The following KIF1A variants were observed in gnomAD, a reference collection of about 807,000 sequenced individuals.
KIF1A encodes kinesin-like protein KIF1A.
A neutral mutation model predicts 227.3 loss-of-function variants in KIF1A; 46 were observed. The ratio of observed to expected loss-of-function variants is 0.20; its 90% CI spans 0.16 to 0.26. KIF1A has a LOEUF of 0.26. KIF1A is among the 10% of genes least tolerant of loss of function. The pLI, the probability that KIF1A is intolerant of heterozygous loss-of-function variation, is 1.00. For missense variants in KIF1A, 1,683 were observed against 2,485.9 expected (o/e 0.68, Z 6.87); for synonymous variants, 1,022 against 1,012.8 (o/e 1.01, Z -0.17).
Position 240,788,025 on chromosome 2 carries a change from G to GCC in KIF1A, c.363+24_363+25dup. ...TGGTCCCGCCCCATCTGCCAGGGCT[G>GCC]CCCCCGCCCGCCCCCCGCTTCGTGC... On this transcript the variant is annotated intron_variant, in intron 4 of 48. Coordinates refer to ENST00000498729, the MANE Select transcript of KIF1A (RefSeq NM_001244008.2). The surrounding 1 kb of genome is among the most constrained non-coding windows in gnomAD (Gnocchi z 6.6). 26 of 1,466,756 alleles carry GCC rather than the reference G, an allele frequency of 1.8e-5. No individual in the cohort carries two copies. The highest frequency in any genetic ancestry group is 2.0e-5 in the Non-Finnish European group (22 of 1,073,788). The allele number at this position is 1,466,756 out of a possible 1,614,324, so 90.9% of individuals were successfully genotyped here.
In KIF1A at chr2:240,789,866, C is replaced by T. The variant is rs1308843421; in HGVS notation, c.107-554G>A. ...CCCTCCTCCCCCTCCCTCCTCCACCCAACTTCAAGCCCAGTCCCAGGCACC... is the reference window on the plus strand; with the variant it reads ...CCCTCCTCCCCCTCCCTCCTCCACCTAACTTCAAGCCCAGTCCCAGGCACC... On this transcript the variant is annotated intron_variant, in intron 2 of 48. Coordinates refer to ENST00000498729, the MANE Select transcript of KIF1A (RefSeq NM_001244008.2). The surrounding 1 kb of genome is among the most constrained non-coding windows in gnomAD (Gnocchi z 4.8). Among the ~76,000 whole-genome samples, 1 of 152,192 alleles carries T rather than the reference C, an allele frequency of 6.6e-6. No homozygotes were observed. The highest frequency in any genetic ancestry group is 1.5e-5 in the Non-Finnish European group (1 of 68,016).
chr2:240,738,512 G>A (rs2047607276), intron 37 of KIF1A, among the ~76,000 whole-genome samples: 1 of 152,194 alleles, frequency 6.6e-6, no homozygotes, highest in East Asian at 1.9e-4. Flanking sequence ...CCCAGGTGAG[G>A]AGCAGGAGAG....
chr2:240,803,916 T>A (rs187447850), intron 1 of KIF1A, among the ~76,000 whole-genome samples: 139 of 152,384 alleles, frequency 9.1e-4, no homozygotes, highest in African/African-American at 2.8e-3. Context: ...TTCCTCATTT[T>A]GGTTGACAAA....
At chr2:240,815,949 A>G (rs1198156232) in intron 1 of KIF1A, among the ~76,000 whole-genome samples, 1 of 152,134 alleles carries the variant, frequency 6.6e-6, no homozygotes. Context: ...AGTGCAGGCT[A>G]TGACCAGTGT....
At chr2:240,749,363 C>T (rs74690114) in intron 28 of KIF1A, among the ~76,000 whole-genome samples, 8,105 of 152,168 alleles carry the variant, frequency 0.053, 225 homozygotes, top group African/African-American at 0.068. Flanking sequence ...TCTCAGCCTG[C>T]TCCAGGTCGC....
At chr2:240,753,393 G>T (rs191942185) in intron 27 of KIF1A, among the ~76,000 whole-genome samples, 1 of 152,230 alleles carries the variant, frequency 6.6e-6, no homozygotes, top group Non-Finnish European at 1.5e-5. Context: ...AACAAACGCT[G>T]TGTGGAACTG....
At chr2:240,816,891 C>A (rs1196270775) in intron 1 of KIF1A, among the ~76,000 whole-genome samples, 1 of 152,214 alleles carries the variant, frequency 6.6e-6, no homozygotes, top group Non-Finnish European at 1.5e-5. Context: ...CCCCACAGCA[C>A]CCCCAACTGC....
In KIF1A at chr2:240,766,948, C is replaced by T. The variant is rs373891682; in HGVS notation, c.1651G>A (p.Val551Ile). Residue 551 changes from valine to isoleucine, a missense_variant, in exon 19 of 49, where the codon GTC becomes ATC. Around this residue, in one of 12 missense-constraint regions of KIF1A, gnomAD observed 217 missense variants for 427.0 expected, o/e 0.51. Coordinates refer to ENST00000498729, the MANE Select transcript of KIF1A (RefSeq NM_001244008.2). This position sits in a 1 kb window ranked among gnomAD's most constrained non-coding sequence, Gnocchi z 5.0. ...SGHFIKEEHC[V>I]FRSDSRGGSE... is the part of the protein sequence containing the mutation. ...CCTCCCCTGGAGTCGCTCCGGAAGA[C>T]GCAGTGCTCCTCCTTGATGAAGTGC... 67 of 1,611,844 alleles carry T rather than the reference C, an allele frequency of 4.2e-5. No individual in the cohort carries two copies. The highest frequency in any genetic ancestry group is 4.0e-4 in the South Asian group (36 of 90,752).
chr2:240,715,821 T>A lies in KIF1A; in HGVS notation c.*1543A>T, dbSNP rs1291313599. On this transcript the variant is annotated 3_prime_UTR_variant, in exon 49 of 49. Coordinates refer to ENST00000498729, the MANE Select transcript of KIF1A (RefSeq NM_001244008.2). Reference sequence around the variant, plus strand: ...TTCCCCCACTCCAGGAGGCAGGATCTGATGAAAGTGCTGGGCCCTAGGTCT... The same window carrying A: ...TTCCCCCACTCCAGGAGGCAGGATCAGATGAAAGTGCTGGGCCCTAGGTCT... 6.6e-6 allele frequency: 1 copy of A among 152,252 alleles called. No homozygotes were observed. Among genetic ancestry groups the A allele is most frequent in the Non-Finnish European group, 1.5e-5 (1 of 68,026 alleles). 9.4% of individuals were successfully genotyped at this position (152,252 alleles called of 1,614,324 possible).
intron 10 of KIF1A, 46 bp downstream of exon 10, chr2:240,782,538 ACACCGC>A (rs1575623328): frequency 2.6e-6 from 4 of 1,542,664 alleles, no homozygotes. Flanking sequence ...TGCAGGGCAG[ACACCGC>A]CACCAGCCTC....
At position 240,788,365 on chromosome 2, in the gene KIF1A, C is replaced by A; in HGVS notation, c.184-135G>T. The A allele has an allele frequency of 1.3e-6, 1 of 746,860 alleles. No individual in the cohort carries two copies. Among genetic ancestry groups the A allele is most frequent in the South Asian group, 1.6e-5 (1 of 62,632 alleles). 46.3% of individuals were successfully genotyped at this position (746,860 alleles called of 1,614,324 possible). Reference sequence around the variant, plus strand: ...CACAGTGGGGAGGGATGCCTGCCCCCCATCCTACTCCTGCCTTGTGGGGTA... The same window carrying A: ...CACAGTGGGGAGGGATGCCTGCCCCACATCCTACTCCTGCCTTGTGGGGTA... On this transcript the variant is annotated intron_variant, in intron 3 of 48. Coordinates refer to ENST00000498729, the MANE Select transcript of KIF1A (RefSeq NM_001244008.2). This position sits in a 1 kb window ranked among gnomAD's most constrained non-coding sequence, Gnocchi z 6.6.
intron 28 of KIF1A, chr2:240,748,626 C>T: frequency 4.0e-6 from 1 of 251,316 alleles, no homozygotes; most frequent in South Asian, 3.9e-5. Flanking sequence ...TAGGTGTTCC[C>T]AGCTTCCCTG....
At chr2:240,721,495 G>A (rs1165969658) in intron 44 of KIF1A, among the ~76,000 whole-genome samples, 1 of 152,178 alleles carries the variant, frequency 6.6e-6, no homozygotes, top group Non-Finnish European at 1.5e-5. Context: ...TTGACTGACT[G>A]GGCCAGAGGC....
At chr2:240,742,138 C>T (rs531988711) in intron 34 of KIF1A, among the ~76,000 whole-genome samples, 96 of 152,332 alleles carry the variant, frequency 6.3e-4, no homozygotes, top group South Asian at 1.9e-3. Flanking sequence ...GTCCTCAGCC[C>T]GCAAACCTTC....
chr2:240,742,782 C>T lies in KIF1A; in HGVS notation c.3640+147G>A, dbSNP rs145443966. The T allele has an allele frequency of 3.1e-4, 212 of 690,764 alleles. No individual in the cohort carries two copies. The African/African-American group carries it at 3.4e-3, about 11-fold the overall frequency. The allele number at this position is 690,764 out of a possible 1,614,324, so 42.8% of individuals were successfully genotyped here. Reference sequence around the variant, plus strand: ...CTTGCTCCATGGGGACCCCGTGAGGCCTGACAGGCTCAGGGTGGCGCCAGA... The same window carrying T: ...CTTGCTCCATGGGGACCCCGTGAGGTCTGACAGGCTCAGGGTGGCGCCAGA... On this transcript the variant is annotated intron_variant, in intron 34 of 48. Coordinates refer to ENST00000498729, the MANE Select transcript of KIF1A (RefSeq NM_001244008.2).
chr2:240,767,432 C>T, intron 17 of KIF1A, 87 bp from the exon 18 acceptor site: 2 of 1,095,852 alleles, frequency 1.8e-6, no homozygotes, highest in Non-Finnish European at 2.7e-6. Flanking sequence ...TCTCCAGGCA[C>T]CAGACTACCA....
chr2:240,821,035 C>T (rs1277898340), upstream of KIF1A, among the ~76,000 whole-genome samples: 1 of 152,200 alleles, frequency 6.6e-6, no homozygotes, highest in Non-Finnish European at 1.5e-5. Flanking sequence ...CAGGGGCTGA[C>T]TGGTATCTCT....
Position 240,763,286 on chromosome 2 carries a change from C to T in KIF1A, c.1829G>A (p.Arg610Gln). ...VFRFNHPEQA[R>Q]QERERTPCAE... is the part of the protein sequence containing the mutation. ...ACAAGGCGTGCGCTCACGCTCCTGC[C>T]GGGCCTGCTCGGGGTGGTTGAACCG... The change falls in exon 21 of 49, where the codon CGG becomes CAG. Residue 610 changes from arginine to glutamine, a missense_variant. Transcript: ENST00000498729. The T allele has an allele frequency of 6.2e-7, 1 of 1,605,390 alleles. No individual in the cohort carries two copies. The highest frequency in any genetic ancestry group is 8.5e-7 in the Non-Finnish European group (1 of 1,176,236).
In KIF1A at chr2:240,817,578, C is replaced by A. The variant is rs576592452; in HGVS notation, c.-61+2544G>T. ...TCTCAGGCCTGACGGGATTGGCCAG[C>A]TAGGCATGTGCAGGGCTCAGTAAAT... On this transcript the variant is annotated intron_variant, in intron 1 of 48. Transcript: ENST00000498729. 3.8e-4 allele frequency among the ~76,000 whole-genome samples: 58 copies of A among 152,350 alleles called. 1 individual carries two copies. The South Asian group carries it at 7.9e-3, about 21-fold the overall frequency.
Sources: gnomAD v4.1 joint callset for allele counts (sites outside exome capture counted in the v4.1 genomes callset) on GRCh38, gnomAD v4.1.1 for gene constraint, gnomAD v4.1.1 regional missense constraint, Gnocchi (gnomAD v3.1) non-coding constraint, MANE v1.5 for transcripts, NCBI Gene and HGNC (gene_info 2026-07-23, HGNC 2026-07-21) for gene names.